CDKAL1: variants seen among roughly 807,000 people sequenced by gnomAD.
CDKAL1 encodes CDKAL1 threonylcarbamoyladenosine tRNA methylthiotransferase.
In CDKAL1, 32 loss-of-function variants were observed where a neutral mutation model predicts 68.2. The observed-to-expected ratio is 0.47, with a 90% CI of 0.35 to 0.63. The LOEUF (loss-of-function observed/expected upper bound fraction) is 0.63, where lower values mean the gene tolerates loss of function less well. CDKAL1 is among the 30% of genes least tolerant of loss of function. The probability of loss-of-function intolerance (pLI) is 0.00; values close to 1 mark genes in which losing one functional copy is unlikely to be tolerated. For missense variants in CDKAL1, 606 were observed against 696.7 expected (o/e 0.87, Z 1.47); for synonymous variants, 234 against 244.3 (o/e 0.96, Z 0.39).
Position 20,639,236 on chromosome 6 carries a change from A to G in CDKAL1, c.287-10057A>G, listed in dbSNP as rs138568999. Among the ~76,000 whole-genome samples, 607 of 152,296 alleles carry G rather than the reference A, an allele frequency of 4.0e-3. 3 individuals carry two copies. Among genetic ancestry groups the G allele is most frequent in the African/African-American group, 0.013 (545 of 41,568 alleles). On this transcript the variant is annotated intron_variant, in intron 4 of 15. Coordinates refer to ENST00000274695, the MANE Select transcript of CDKAL1 (RefSeq NM_017774.3). ...CCCTTGGTTTCCTCATCTTATTTCT[A>G]TGAAGCACTCAGGGGGACTATTTTA...
chr6:21,101,655 C>A (rs890620209), intron 12 of CDKAL1, among the ~76,000 whole-genome samples: 1 of 152,140 alleles, frequency 6.6e-6, no homozygotes, highest in Non-Finnish European at 1.5e-5. Flanking sequence ...TTCTTAATTT[C>A]TCTCCAAATG....
intron 4 of CDKAL1, among the ~76,000 whole-genome samples, chr6:20,578,116 T>C (rs1395493316): frequency 6.6e-6 from 1 of 152,230 alleles, no homozygotes; most frequent in Non-Finnish European, 1.5e-5. Context: ...TAAGTATGTA[T>C]AACATTCCTA....
At chr6:20,860,792 C>T (rs1422558722) in intron 9 of CDKAL1, among the ~76,000 whole-genome samples, 4 of 151,822 alleles carry the variant, frequency 2.6e-5, no homozygotes, top group Non-Finnish European at 5.9e-5. Flanking sequence ...CCACTGCACT[C>T]CAGCCTGGCA....
At chr6:21,162,850 C>T (rs1776983102) in intron 13 of CDKAL1, among the ~76,000 whole-genome samples, 2 of 152,040 alleles carry the variant, frequency 1.3e-5, no homozygotes, top group Admixed American at 1.3e-4. Context: ...ATCACTTGAG[C>T]CCAGGAGTTT....
intron 8 of CDKAL1, among the ~76,000 whole-genome samples, chr6:20,826,078 A>G (rs1176364567): frequency 3.3e-5 from 5 of 152,166 alleles, no homozygotes; most frequent in African/African-American, 4.8e-5. Context: ...GCTTAAATAG[A>G]TGTAGCAATC....
chr6:21,192,656 G>T (rs1270870947), intron 13 of CDKAL1, among the ~76,000 whole-genome samples: 1 of 152,018 alleles, frequency 6.6e-6, no homozygotes, highest in East Asian at 1.9e-4. Flanking sequence ...TATAGCATTT[G>T]TATTCTCAAC....
chr6:20,799,953 C>G (rs919529951), intron 8 of CDKAL1: 1 of 152,192 alleles, frequency 6.6e-6, no homozygotes, highest in African/African-American at 2.4e-5. Flanking sequence ...GTAGATACTG[C>G]GAAATCTTAA....
intron 5 of CDKAL1, among the ~76,000 whole-genome samples, chr6:20,715,504 T>A (rs1772047858): frequency 6.6e-6 from 1 of 152,222 alleles, no homozygotes; most frequent in Admixed American, 6.5e-5. Flanking sequence ...TGAATAATGC[T>A]GCAATGAACA....
At chr6:20,784,184 G>A (rs900267908) in intron 8 of CDKAL1, among the ~76,000 whole-genome samples, 3 of 150,056 alleles carry the variant, frequency 2.0e-5, no homozygotes, top group African/African-American at 7.4e-5. Flanking sequence ...CTAAACTCCA[G>A]CCTGGAGATA....
intron 13 of CDKAL1, among the ~76,000 whole-genome samples, chr6:21,176,499 T>C (rs891369578): frequency 3.9e-5 from 6 of 152,330 alleles, no homozygotes; most frequent in African/African-American, 9.6e-5. Flanking sequence ...TTGGTTTCTT[T>C]GGTAAATTAT....
chr6:21,221,135 C>A (rs1289736943), intron 15 of CDKAL1, among the ~76,000 whole-genome samples: 3 of 151,852 alleles, frequency 2.0e-5, no homozygotes, highest in Non-Finnish European at 4.4e-5. Context: ...CCACTGCACT[C>A]CAATCTAGGT....
At chr6:20,980,982 CAA>C (rs1336833485) in intron 10 of CDKAL1, among the ~76,000 whole-genome samples, 1 of 152,136 alleles carries the variant, frequency 6.6e-6, no homozygotes, top group Non-Finnish European at 1.5e-5. Context: ...AAGTTACACT[CAA>C]GAGATGGACT....
intron 11 of CDKAL1, among the ~76,000 whole-genome samples, chr6:21,046,977 T>G (rs918586808): frequency 6.6e-6 from 1 of 152,190 alleles, no homozygotes; most frequent in African/African-American, 2.4e-5. Context: ...CCCCAAAATT[T>G]TAACTGAAAG....
intron 12 of CDKAL1, among the ~76,000 whole-genome samples, chr6:21,065,792 G>A (rs896720468): frequency 2.0e-5 from 3 of 150,890 alleles, no homozygotes; most frequent in Non-Finnish European, 4.4e-5. Flanking sequence ...TTGGAATCAA[G>A]TAAAGGCAAA....
intron 10 of CDKAL1, among the ~76,000 whole-genome samples, chr6:20,984,796 T>G (rs1766353969): frequency 8.5e-6 from 1 of 117,416 alleles, no homozygotes; most frequent in African/African-American, 3.4e-5. Flanking sequence ...CCTGGGGTTT[T>G]TATGGGCACA....
intron 13 of CDKAL1, among the ~76,000 whole-genome samples, chr6:21,114,528 T>C (rs2150999900): frequency 6.6e-6 from 1 of 150,872 alleles, no homozygotes; most frequent in South Asian, 2.1e-4. Context: ...AGCCTAGGAG[T>C]TTGAGACCAG....
chr6:21,224,253 C>G lies in CDKAL1; in HGVS notation c.1549-6595C>G, dbSNP rs981538797. On this transcript the variant is annotated intron_variant, in intron 15 of 15. Coordinates refer to ENST00000274695, the MANE Select transcript of CDKAL1 (RefSeq NM_017774.3). The stretch of plus-strand genomic sequence containing the variant: ...GAATGAGAGGATTATTCTGGGTTAT[C>G]TAAGTGGGTTCAATGTAAATCACAA... Among the ~76,000 whole-genome samples, 5 of 152,170 alleles carry G rather than the reference C, an allele frequency of 3.3e-5. No homozygotes were observed. The South Asian group carries it at 1.0e-3, about 32-fold the overall frequency.
chr6:21,206,250 G>A (rs992664066), intron 15 of CDKAL1, among the ~76,000 whole-genome samples: 2 of 151,560 alleles, frequency 1.3e-5, no homozygotes, highest in African/African-American at 4.8e-5. Flanking sequence ...AACTTACACT[G>A]GATACAAAAA....
At chr6:20,731,847 A>G (rs566108692) in intron 5 of CDKAL1, among the ~76,000 whole-genome samples, 1 of 152,296 alleles carries the variant, frequency 6.6e-6, no homozygotes, top group South Asian at 2.1e-4. Flanking sequence ...ATAAGTAACC[A>G]GTCTCATCCA....
Sources: gnomAD v4.1 joint callset for allele counts (sites outside exome capture counted in the v4.1 genomes callset) on GRCh38, gnomAD v4.1.1 for gene constraint, MANE v1.5 for transcripts, NCBI Gene and HGNC (gene_info 2026-07-23, HGNC 2026-07-21) for gene names.